Variants in DTNBP1 observed in about 807,000 individuals in gnomAD.
The protein encoded by DTNBP1 is dystrobrevin binding protein 1, also known as dysbindin.
DTNBP1 carries 35 observed loss-of-function variants against 42.8 expected under a neutral mutation model. The observed-to-expected ratio is 0.82, with a 90% confidence interval of 0.63 to 1.09. The LOEUF (loss-of-function observed/expected upper bound fraction) is 1.09, where lower values mean the gene tolerates loss of function less well. Ranked by LOEUF, DTNBP1 falls within the 50% of genes least tolerant of loss-of-function variation. The pLI is 0.00. For synonymous variants in DTNBP1, 171 were observed against 162.2 expected, an observed-to-expected ratio of 1.05 and a Z score of -0.41; for missense variants, 457 against 424.2, an observed-to-expected ratio of 1.08 and a Z score of -0.68.
chr6:15,581,668 G>C (rs963306408), intron 7 of DTNBP1, among the ~76,000 whole-genome samples: 4 of 151,714 alleles, frequency 2.6e-5, no homozygotes, highest in African/African-American at 9.7e-5. Context: ...AGTAGATACA[G>C]GGTTTCACCA....
chr6:15,523,657 C>G (rs191377714), intron 9 of DTNBP1: 1 of 1,286,830 alleles, frequency 7.8e-7, no homozygotes, highest in Admixed American at 2.3e-5. Context: ...TTTTATGGAA[C>G]TAAATAGGCT....
Position 15,522,834 on chromosome 6 carries a change from C to A in DTNBP1, c.*141G>T. 7.0e-7 allele frequency: 1 copy of A among 1,432,640 alleles called. No individual in the cohort carries two copies. The highest frequency in any genetic ancestry group is 9.7e-7 in the Non-Finnish European group (1 of 1,031,868). 88.7% of individuals were successfully genotyped at this position (1,432,640 alleles called of 1,614,324 possible). A position where few individuals can be genotyped will look rare whatever the true frequency, so the allele number is the denominator to read the frequency against. On this transcript the variant is annotated 3_prime_UTR_variant, in exon 10 of 10. Coordinates refer to ENST00000344537, the MANE Select transcript of DTNBP1 (RefSeq NM_032122.5). The stretch of plus-strand genomic sequence containing the variant: ...TACCGTCCTCACACTTTATTGTTAG[C>A]TGTTCTTTAAGTTTCTCACACATTA...
chr6:15,662,659 C>G (rs1416786348), intron 1 of DTNBP1, among the ~76,000 whole-genome samples, 155 bp downstream of exon 1: 1 of 151,942 alleles, frequency 6.6e-6, no homozygotes, highest in Admixed American at 6.5e-5. Flanking sequence ...GCGAGGACGC[C>G]GGGAAGTTCG....
At chr6:15,632,533 G>A (rs550154703) in intron 4 of DTNBP1, among the ~76,000 whole-genome samples, 17 of 152,040 alleles carry the variant, frequency 1.1e-4, no homozygotes, top group Non-Finnish European at 1.9e-4. Flanking sequence ...AAAACAACTC[G>A]CACCCCCAAA....
chr6:15,621,467 AC>A (rs1254596044), intron 5 of DTNBP1, among the ~76,000 whole-genome samples: 1 of 152,202 alleles, frequency 6.6e-6, no homozygotes, highest in African/African-American at 2.4e-5. Context: ...TTTGTTAATA[AC>A]GTGGGGACCA....
At chr6:15,571,039 T>C (rs1459075325) in intron 7 of DTNBP1, among the ~76,000 whole-genome samples, 4 of 152,220 alleles carry the variant, frequency 2.6e-5, no homozygotes, top group African/African-American at 4.8e-5. Flanking sequence ...ATTCTGGCTA[T>C]GTTTAAAACA....
At chr6:15,608,256 GTTGT>G (rs1040227621) in intron 6 of DTNBP1, among the ~76,000 whole-genome samples, 10 of 146,638 alleles carry the variant, frequency 6.8e-5, no homozygotes, top group African/African-American at 2.2e-4. Context: ...CTACCTTGTT[GTTGT>G]TTGCTTGGTT....
chr6:15,551,906 C>G (rs1445716615), intron 7 of DTNBP1, among the ~76,000 whole-genome samples: 2 of 152,226 alleles, frequency 1.3e-5, no homozygotes, highest in Admixed American at 6.5e-5. Context: ...CCACAGCCAG[C>G]AGTCACAGCA....
rs550632879 is a variant in DTNBP1 at position 15,556,060 on chromosome 6, C to T, written c.512-22665G>A. On this transcript the variant is annotated intron_variant, in intron 7 of 9. Coordinates refer to ENST00000344537, the MANE Select transcript of DTNBP1 (RefSeq NM_032122.5). ...GAACAGAATTGGGTTAGAGGCCCAA[C>T]TTAGCAGGGTTAGAATCCCTCCTAA... 6.6e-5 allele frequency among the ~76,000 whole-genome samples: 10 copies of T among 152,262 alleles called. No individual in the cohort carries two copies. In the South Asian group the frequency reaches 1.9e-3, roughly 28 times the overall value.
chr6:15,553,816 G>A (rs1446079181), intron 7 of DTNBP1, among the ~76,000 whole-genome samples: 1 of 151,972 alleles, frequency 6.6e-6, no homozygotes, highest in East Asian at 1.9e-4. Flanking sequence ...TGGCGTATTA[G>A]ATATTTGAAG....
chr6:15,552,211 G>T (rs1379039993), intron 7 of DTNBP1, among the ~76,000 whole-genome samples: 1 of 152,102 alleles, frequency 6.6e-6, no homozygotes, highest in Non-Finnish European at 1.5e-5. Context: ...GGAAAAGCTG[G>T]CCAGGAAATC....
intron 7 of DTNBP1, among the ~76,000 whole-genome samples, chr6:15,537,248 ATTTTTT>A (rs1447454110): frequency 0.15 from 22,948 of 151,326 alleles, 2,592 homozygotes; most frequent in African/African-American, 0.31. Flanking sequence ...GTGGTCATGT[ATTTTTT>A]GTAAAAATAC....
chr6:15,644,522 A>G (rs968727350), intron 3 of DTNBP1, among the ~76,000 whole-genome samples: 3 of 152,166 alleles, frequency 2.0e-5, no homozygotes, highest in African/African-American at 7.2e-5. Context: ...AATTGACCAC[A>G]TGCTCAATCA....
rs1758667779 is a variant in DTNBP1, at chr6:15,615,516, G to A, written c.356-117C>T. The A allele has an allele frequency of 7.3e-6, 10 of 1,377,432 alleles. No homozygotes were observed. In the South Asian group the frequency reaches 9.8e-5, roughly 14 times the overall value. The allele number at this position is 1,377,432 out of a possible 1,614,324, so 85.3% of individuals were successfully genotyped here. On this transcript the variant is annotated intron_variant, in intron 5 of 9. Coordinates refer to ENST00000344537, the MANE Select transcript of DTNBP1 (RefSeq NM_032122.5). ...GTTGAGATTGTTTTGCATTTTTAAT[G>A]TTTTTTATTAAACTTTCTTGAAGCA...
intron 8 of DTNBP1, among the ~76,000 whole-genome samples, chr6:15,528,067 G>A (rs1174448887): frequency 2.0e-5 from 3 of 152,154 alleles, no homozygotes; most frequent in East Asian, 1.9e-4. Flanking sequence ...GTGTGTCTCC[G>A]TGCAGAAACT....
At chr6:15,594,829 T>G (rs1443325572) in intron 6 of DTNBP1, among the ~76,000 whole-genome samples, 1 of 152,182 alleles carries the variant, frequency 6.6e-6, no homozygotes, top group Admixed American at 6.5e-5. Flanking sequence ...AATGTGTGAC[T>G]GTGAGCAGAA....
At chr6:15,614,303 A>T (rs1477753437) in intron 6 of DTNBP1, among the ~76,000 whole-genome samples, 1 of 151,532 alleles carries the variant, frequency 6.6e-6, no homozygotes, top group East Asian at 1.9e-4. Context: ...CACTCCTGTT[A>T]TTGTCACATC....
intron 5 of DTNBP1, among the ~76,000 whole-genome samples, chr6:15,618,210 C>T (rs1350487821): frequency 1.3e-5 from 2 of 151,992 alleles, no homozygotes; most frequent in Non-Finnish European, 2.9e-5. Flanking sequence ...ACTGAATAGA[C>T]ATCTCTCAAA....
At position 15,553,921 on chromosome 6, in the gene DTNBP1, T is replaced by G. The variant is rs528654805; in HGVS notation, c.512-20526A>C. Among the ~76,000 whole-genome samples the G allele has an allele frequency of 2.0e-5, 3 of 152,170 alleles. No homozygotes were observed. The East Asian group carries it at 5.8e-4, about 29-fold the overall frequency. The stretch of plus-strand genomic sequence containing the variant: ...AGGCAGGCATAAAACCTAGGAAGGA[T>G]CTTCTCATTTTCTCCTGAAGCAGGA... On this transcript the variant is annotated intron_variant, in intron 7 of 9. Coordinates refer to ENST00000344537, the MANE Select transcript of DTNBP1 (RefSeq NM_032122.5).
Sources: allele counts gnomAD v4.1 joint callset (sites outside exome capture counted in the v4.1 genomes callset), GRCh38; gene constraint gnomAD v4.1.1; transcripts MANE v1.5; gene names NCBI Gene and HGNC (gene_info 2026-07-23, HGNC 2026-07-21).